SFI1: variants seen among roughly 807,000 people sequenced by gnomAD.
SFI1 encodes SFI1 centrin binding protein.
In SFI1, 195 loss-of-function variants were observed where a neutral mutation model predicts 207.5. The observed-to-expected ratio is 0.94, with a 90% CI of 0.84 to 1.06. The LOEUF (loss-of-function observed/expected upper bound fraction) is 1.06, where lower values mean the gene tolerates loss of function less well. SFI1 is among the 50% of genes least tolerant of loss of function. The pLI is 0.00. For synonymous variants in SFI1, 630 were observed against 598.9 expected, an observed-to-expected ratio of 1.05 and a Z score of -0.76; for missense variants, 1,634 against 1,588.0, an observed-to-expected ratio of 1.03 and a Z score of -0.49.
At chr22:31,538,694 C>T (rs1239371901) in intron 4 of SFI1, 2 of 152,236 alleles carry the variant, frequency 1.3e-5, no homozygotes, top group African/African-American at 4.8e-5. Flanking sequence ...TCATTTCCTT[C>T]TTCTAGAATA....
intron 12 of SFI1, among the ~76,000 whole-genome samples, chr22:31,581,217 G>A (rs1409532868): frequency 6.6e-6 from 1 of 151,418 alleles, no homozygotes; most frequent in Non-Finnish European, 1.5e-5. Context: ...GGGCTCAAGT[G>A]ATCTGCCCAC....
chr22:31,587,206 A>T (rs2065132262), intron 14 of SFI1: 1 of 177,782 alleles, frequency 5.6e-6, no homozygotes, highest in Non-Finnish European at 1.3e-5. Flanking sequence ...ATAGCATAAC[A>T]ACTATGTACA....
intron 7 of SFI1, chr22:31,559,765 T>C (rs891700465): frequency 3.0e-5 from 23 of 770,670 alleles, no homozygotes; most frequent in African/African-American, 6.8e-5. Flanking sequence ...ATGGAAAATA[T>C]AGCCAGGTCC....
intron 12 of SFI1, among the ~76,000 whole-genome samples, chr22:31,581,108 G>A (rs2064115026): frequency 6.6e-6 from 1 of 151,960 alleles, no homozygotes; most frequent in Non-Finnish European, 1.5e-5. Flanking sequence ...AGCCTCCCAA[G>A]TAGTTGGGAC....
chr22:31,604,049 C>T (rs2147053382), intron 18 of SFI1, among the ~76,000 whole-genome samples: 1 of 152,316 alleles, frequency 6.6e-6, no homozygotes, highest in South Asian at 2.1e-4. Context: ...ATCTAAAATT[C>T]CTGATCTAAC....
chr22:31,593,257 G>C lies in SFI1; in HGVS notation c.1544+3680G>C, dbSNP rs1434175256. On this transcript the variant is annotated intron_variant, in intron 15 of 32. Transcript: ENST00000400288. ...TCTCAGACGGGGTGGTTGCCAGGCA[G>C]AGGGTCTCCTCACTTCTCAGACGGG... Among the ~76,000 whole-genome samples, 15 of 148,402 alleles carry C rather than the reference G, an allele frequency of 1.0e-4. No individual in the cohort carries two copies. The East Asian group carries it at 3.1e-3, about 30-fold the overall frequency.
intron 15 of SFI1, among the ~76,000 whole-genome samples, chr22:31,594,455 G>A (rs2066743774): frequency 6.6e-6 from 1 of 151,578 alleles, no homozygotes; most frequent in Non-Finnish European, 1.5e-5. Context: ...GGCTGAGGCA[G>A]GAGAATTGCT....
chr22:31,585,114 C>T lies in SFI1; in HGVS notation c.1393C>T (p.Gln465Ter), dbSNP rs749252315. The T allele has an allele frequency of 2.5e-6, 4 of 1,613,996 alleles. No individual in the cohort carries two copies. Among genetic ancestry groups the T allele is most frequent in the South Asian group, 2.2e-5 (2 of 91,054 alleles). The change falls in exon 14 of 33, where the codon CAG becomes TAG. Residue 465 changes from glutamine to a stop codon, truncating the protein, a stop_gained. Coordinates refer to ENST00000400288, the MANE Select transcript of SFI1 (RefSeq NM_001007467.3). LOFTEE classifies it high-confidence loss of function. The part of the protein sequence containing the change: ...KCIELWLQYT[Q>*]KRRYKQLLQA... ...TATCGAATTGTGGCTACAGTATACT[C>T]AGAAGAGGCGGTACAAGCAGGTATG...
At chr22:31,542,977 T>TC (rs2059711264) in intron 4 of SFI1, among the ~76,000 whole-genome samples, 1 of 144,804 alleles carries the variant, frequency 6.9e-6, no homozygotes, top group Non-Finnish European at 1.5e-5. Flanking sequence ...TTTTTTTTCT[T>TC]TTTTTTTTTT....
At chr22:31,586,292 A>C (rs1344518846) in intron 14 of SFI1, among the ~76,000 whole-genome samples, 1 of 152,118 alleles carries the variant, frequency 6.6e-6, no homozygotes, top group Non-Finnish European at 1.5e-5. Context: ...TTATCAGAAC[A>C]TTCATCTTAT....
rs112771002 is a variant in SFI1, at chr22:31,615,166, G to A, written c.3187G>A (p.Ala1063Thr). 6 of 1,605,306 alleles carry A rather than the reference G, an allele frequency of 3.7e-6. No individual in the cohort carries two copies. The African/African-American group carries it at 6.7e-5, about 18-fold the overall frequency. ...GGTCCCACACAGCCCCCTGCCTGGG[G>A]CCCTGTCAAGCGCCCCTGGCCCGAA... is the stretch of plus-strand genomic sequence containing the variant. Reference protein sequence around the residue: ...ALVPHSPLPGALSSAPGPKQP... With the variant: ...ALVPHSPLPGTLSSAPGPKQP... Residue 1063 changes from alanine to threonine, a missense_variant, in exon 29 of 33, where the codon GCC becomes ACC. Transcript: ENST00000400288.
At chr22:31,547,010 C>T (rs753911221) in intron 5 of SFI1, 39 bp downstream of exon 5, 2 of 1,333,332 alleles carry the variant, frequency 1.5e-6, no homozygotes, top group Non-Finnish European at 1.1e-6. Context: ...TTTACTGATG[C>T]ACATTATCAG....
intron 7 of SFI1, among the ~76,000 whole-genome samples, chr22:31,559,026 T>C (rs1031303971): frequency 7.3e-5 from 11 of 151,542 alleles, no homozygotes; most frequent in Admixed American, 1.3e-4. Context: ...AGGCTGGTCT[T>C]GAACTCCTGA....
chr22:31,597,932 A>G (rs191296406), intron 15 of SFI1, among the ~76,000 whole-genome samples: 1 of 151,888 alleles, frequency 6.6e-6, no homozygotes, highest in Non-Finnish European at 1.5e-5. Context: ...TAAAATGTGT[A>G]TACAGTGAAA....
At chr22:31,614,921 GCGGGCACCTCCATGTGGGGC>G in intron 28 of SFI1, 61 bp downstream of exon 28, 1 of 1,595,100 alleles carries the variant, frequency 6.3e-7, no homozygotes, top group Non-Finnish European at 8.6e-7. Context: ...CCCAAAGGCA[GCGGGCACCTCCATGTGGGGC>G]CTGTGTTTTG....
intron 2 of SFI1, among the ~76,000 whole-genome samples, chr22:31,526,399 C>G (rs2057916228): frequency 6.6e-6 from 1 of 152,130 alleles, no homozygotes; most frequent in Non-Finnish European, 1.5e-5. Flanking sequence ...ATAAAACCAT[C>G]AGATCTCGTG....
At chr22:31,604,540 C>T (rs941809837) in intron 19 of SFI1, 136 bp downstream of exon 19, 32 of 757,586 alleles carry the variant, frequency 4.2e-5, no homozygotes, top group South Asian at 2.3e-4. Context: ...GCAGGTGCCC[C>T]GGACAGCGGG....
intron 2 of SFI1, 95 bp from the exon 3 acceptor site, chr22:31,528,594 CT>C: frequency 9.0e-7 from 1 of 1,106,382 alleles, no homozygotes; most frequent in Non-Finnish European, 1.3e-6. Context: ...TCTCAATGAG[CT>C]TATCTGTTTA....
chr22:31,560,464 C>T (rs1330679753), intron 7 of SFI1, among the ~76,000 whole-genome samples: 15 of 142,082 alleles, frequency 1.1e-4, no homozygotes, highest in Non-Finnish European at 1.7e-4. Context: ...TATAGTGGCA[C>T]GATCTTGGCT....
Sources: allele counts gnomAD v4.1 joint callset (sites outside exome capture counted in the v4.1 genomes callset), GRCh38; gene constraint gnomAD v4.1.1; transcripts MANE v1.5; gene names NCBI Gene and HGNC (gene_info 2026-07-23, HGNC 2026-07-21).